KLF9: variants seen among roughly 807,000 people sequenced by gnomAD.
The protein encoded by KLF9 is Krueppel-like factor 9.
Under a neutral mutation model 17.3 loss-of-function variants are expected in KLF9, and 2 were observed. The ratio of observed to expected loss-of-function variants is 0.12; its 90% CI spans 0.05 to 0.36. KLF9 has a LOEUF of 0.36. Among genes scored for constraint, KLF9 ranks in the 10% least tolerant of loss-of-function variants. KLF9 has a pLI of 1.00. For missense variants in KLF9, 226 were observed against 333.2 expected (o/e 0.68, Z 2.51); for synonymous variants, 138 against 139.2 (o/e 0.99, Z 0.06).
chr9:70,389,637 T>C (rs1413690628), intron 1 of KLF9, among the ~76,000 whole-genome samples: 2 of 152,046 alleles, frequency 1.3e-5, no homozygotes, highest in Non-Finnish European at 2.9e-5. Context: ...ATCCATAACC[T>C]CCTGCTGCTC....
rs1366123729 is a variant in KLF9 at position 70,385,749 on chromosome 9, G to A, written c.*2027C>T. ...ACAGATGTCCTTAAAACTTATTTTG[G>A]ACACAGAAATTAAAATTTGGTTTAA... On this transcript the variant is annotated 3_prime_UTR_variant, in exon 2 of 2. Coordinates refer to ENST00000377126, the MANE Select transcript of KLF9 (RefSeq NM_001206.4). 1 of 152,534 alleles carries A rather than the reference G, an allele frequency of 6.6e-6. No individual in the cohort carries two copies. Among genetic ancestry groups the A allele is most frequent in the Non-Finnish European group, 1.5e-5 (1 of 68,034 alleles). 9.4% of individuals were successfully genotyped at this position (152,534 alleles called of 1,614,324 possible).
At chr9:70,399,115 G>A (rs533173878) in intron 1 of KLF9, among the ~76,000 whole-genome samples, 20 of 152,262 alleles carry the variant, frequency 1.3e-4, no homozygotes, top group African/African-American at 3.6e-4. Flanking sequence ...GATTACAGCC[G>A]TGAGACACTG....
In KLF9 at chr9:70,413,172, G is replaced by T. The variant is rs755084393; in HGVS notation, c.192C>A (p.Ala64=). Residue 64 remains alanine (A), a synonymous_variant, in exon 1 of 2, where the codon GCC becomes GCA. Coordinates refer to ENST00000377126, the MANE Select transcript of KLF9 (RefSeq NM_001206.4). This position sits in a 1 kb window ranked among gnomAD's most constrained non-coding sequence, Gnocchi z 5.6. ...ACTTGTTCAGGTCCAACAAGCTCTTGGCGATGGTGACCAGTGTGCAGTAAT... is the reference window on the plus strand; with the variant it reads ...ACTTGTTCAGGTCCAACAAGCTCTTTGCGATGGTGACCAGTGTGCAGTAAT... ...WKDYCTLVTI[A]KSLLDLNKYR... The T allele has an allele frequency of 2.5e-6, 4 of 1,614,172 alleles. No individual in the cohort carries two copies. The highest frequency in any genetic ancestry group is 3.4e-6 in the Non-Finnish European group (4 of 1,180,044).
At position 70,384,798 on chromosome 9, in the gene KLF9, T is replaced by G. The variant is rs983029245; in HGVS notation, c.*2978A>C. The G allele has an allele frequency of 2.0e-5, 3 of 152,796 alleles. No individual in the cohort carries two copies. Among genetic ancestry groups the G allele is most frequent in the Admixed American group, 6.5e-5 (1 of 15,300 alleles). The allele number at this position is 152,796 out of a possible 1,614,324, so 9.5% of individuals were successfully genotyped here. ...GTATCTTACAGTGTTACAGATCATC[T>G]GATGTGAAAGAACATCTCAATCTAT... is the stretch of plus-strand genomic sequence containing the variant. On this transcript the variant is annotated 3_prime_UTR_variant, in exon 2 of 2. Coordinates refer to ENST00000377126, the MANE Select transcript of KLF9 (RefSeq NM_001206.4).
intron 1 of KLF9, among the ~76,000 whole-genome samples, chr9:70,397,033 A>T (rs1030267198): frequency 6.6e-6 from 1 of 152,170 alleles, no homozygotes; most frequent in Non-Finnish European, 1.5e-5. Flanking sequence ...TAAAAGGAAT[A>T]TATTCCATGG....
chr9:70,409,065 TATATGTGTATATATATACAC>T (rs1564089185), intron 1 of KLF9, among the ~76,000 whole-genome samples: 1,631 of 107,866 alleles, frequency 0.015, 48 homozygotes, highest in Non-Finnish European at 0.025. Context: ...TATGTGTATA[TATATGTGTATATATATACAC>T]ATATATGTAT....
chr9:70,388,402 C>T (rs1314184035), intron 1 of KLF9, among the ~76,000 whole-genome samples: 1 of 152,170 alleles, frequency 6.6e-6, no homozygotes, highest in East Asian at 1.9e-4. Context: ...CTACCTTGGA[C>T]TCCCAGTCTC....
intron 1 of KLF9, among the ~76,000 whole-genome samples, chr9:70,399,359 C>T (rs1465315932): frequency 7.2e-5 from 11 of 152,216 alleles, no homozygotes; most frequent in Non-Finnish European, 1.5e-5. Flanking sequence ...CCCACAACCA[C>T]ATAGCTAGCC....
intron 1 of KLF9, 22 bp downstream of exon 1, chr9:70,412,837 G>C: frequency 6.5e-7 from 1 of 1,535,824 alleles, no homozygotes; most frequent in Non-Finnish European, 8.8e-7. Context: ...AGAGCTCCGG[G>C]GGAGAGGGCG....
intron 1 of KLF9, among the ~76,000 whole-genome samples, chr9:70,404,978 C>G (rs1373838360): frequency 6.6e-6 from 1 of 152,132 alleles, no homozygotes; most frequent in East Asian, 1.9e-4. Flanking sequence ...GGTAAAGGCC[C>G]CCTCACATTC....
chr9:70,392,107 C>T (rs1564086112), intron 1 of KLF9, among the ~76,000 whole-genome samples: 2 of 152,202 alleles, frequency 1.3e-5, no homozygotes, highest in African/African-American at 4.8e-5. Flanking sequence ...ATCGCTTGAA[C>T]CCGAGGGGCG....
chr9:70,386,592 GACC>G lies in KLF9; in HGVS notation c.*1181_*1183del, dbSNP rs777127209. ...GAGTTTTGTAGGAACACAGGAAGGA[GACC>G]AACAAACCTTTTTCCCCAAAAAATA... On this transcript the variant is annotated 3_prime_UTR_variant, in exon 2 of 2. Transcript: ENST00000377126. 9 of 152,578 alleles carry G rather than the reference GACC, an allele frequency of 5.9e-5. No individual in the cohort carries two copies. Among genetic ancestry groups the G allele is most frequent in the Non-Finnish European group, 1.2e-4 (8 of 68,036 alleles). 9.5% of individuals were successfully genotyped at this position (152,578 alleles called of 1,614,324 possible). A position where few individuals can be genotyped will look rare whatever the true frequency, so the allele number is the denominator to read the frequency against.
At position 70,413,490 on chromosome 9, in the gene KLF9, G is replaced by T; in HGVS notation, c.-127C>A. The stretch of plus-strand genomic sequence containing the variant: ...GCGGCACGGCGCGGCGGCCAAGGGG[G>T]CGGGGGCGCGGGGCGCTTCCGACTC... On this transcript the variant is annotated 5_prime_UTR_variant, in exon 1 of 2. Coordinates refer to ENST00000377126, the MANE Select transcript of KLF9 (RefSeq NM_001206.4). This position sits in a 1 kb window ranked among gnomAD's most constrained non-coding sequence, Gnocchi z 5.6. 9.9e-7 allele frequency: 1 copy of T among 1,005,536 alleles called. No individual in the cohort carries two copies. The highest frequency in any genetic ancestry group is 1.3e-6 in the Non-Finnish European group (1 of 793,316). 62.3% of individuals were successfully genotyped at this position (1,005,536 alleles called of 1,614,324 possible). A position where few individuals can be genotyped will look rare whatever the true frequency, so the allele number is the denominator to read the frequency against.
Position 70,385,180 on chromosome 9 carries a change from C to A in KLF9, c.*2596G>T, listed in dbSNP as rs1431891674. On this transcript the variant is annotated 3_prime_UTR_variant, in exon 2 of 2. Coordinates refer to ENST00000377126, the MANE Select transcript of KLF9 (RefSeq NM_001206.4). ...GATTTTCATAAGTTAAATCCATGGT[C>A]TTTTTAATATAAAAAGTAATTGTTT... 2.0e-5 allele frequency: 3 copies of A among 152,550 alleles called. No homozygotes were observed. The highest frequency in any genetic ancestry group is 7.2e-5 in the African/African-American group (3 of 41,430). The allele number at this position is 152,550 out of a possible 1,614,324, so 9.4% of individuals were successfully genotyped here.
intron 1 of KLF9, among the ~76,000 whole-genome samples, chr9:70,401,099 T>A (rs1250272889): frequency 6.8e-6 from 1 of 147,060 alleles, no homozygotes; most frequent in South Asian, 2.1e-4. Flanking sequence ...TTTGGGAGAC[T>A]GGAGCAGGAG....
At chr9:70,409,583 G>A (rs929733793) in intron 1 of KLF9, among the ~76,000 whole-genome samples, 3 of 151,940 alleles carry the variant, frequency 2.0e-5, no homozygotes, top group Admixed American at 1.3e-4. Context: ...GGAGACTTAG[G>A]ATAAACTTCA....
chr9:70,405,403 T>C (rs2037249407), intron 1 of KLF9, among the ~76,000 whole-genome samples: 1 of 152,226 alleles, frequency 6.6e-6, no homozygotes, highest in Non-Finnish European at 1.5e-5. Context: ...ATAAATGTCC[T>C]CACTTTTTAA....
chr9:70,409,159 TAC>T (rs201515234), intron 1 of KLF9, among the ~76,000 whole-genome samples: 1,084 of 57,194 alleles, frequency 0.019, 101 homozygotes, highest in East Asian at 0.13. Flanking sequence ...TGTATATATA[TAC>T]ACATATATGT....
intron 1 of KLF9, among the ~76,000 whole-genome samples, chr9:70,398,715 C>T (rs941038554): frequency 6.6e-6 from 1 of 152,104 alleles, no homozygotes; most frequent in African/African-American, 2.4e-5. Flanking sequence ...TGGTCTTGAA[C>T]TCCTGAGCTC....
Sources: allele counts gnomAD v4.1 joint callset (sites outside exome capture counted in the v4.1 genomes callset), GRCh38; gene constraint gnomAD v4.1.1; non-coding constraint Gnocchi (gnomAD v3.1); transcripts MANE v1.5; gene names NCBI Gene and HGNC (gene_info 2026-07-23, HGNC 2026-07-21).